The following DENND4C variants were observed in gnomAD, a reference collection of about 807,000 sequenced individuals.
DENND4C encodes the protein DENN domain-containing protein 4C.
A neutral mutation model predicts 203.0 loss-of-function variants in DENND4C; 108 were observed. The ratio of observed to expected loss-of-function variants is 0.53; its 90% CI spans 0.46 to 0.62. The LOEUF (loss-of-function observed/expected upper bound fraction) is 0.62. Ranked by LOEUF, DENND4C falls within the 20% of genes least tolerant of loss-of-function variation. DENND4C has a pLI of 0.00. For missense variants in DENND4C, 2,481 were observed against 2,301.2 expected, an observed-to-expected ratio of 1.08 and a Z score of -1.60; for synonymous variants, 871 against 792.4, an observed-to-expected ratio of 1.10 and a Z score of -1.67.
intron 29 of DENND4C, 86 bp from the exon 30 acceptor site, chr9:19,361,760 C>T: frequency 1.4e-6 from 1 of 706,822 alleles, no homozygotes; most frequent in Non-Finnish European, 2.4e-6. Flanking sequence ...TAAAAGGACT[C>T]ATCTGTTTTA....
intron 26 of DENND4C, 26 bp from the exon 27 acceptor site, chr9:19,356,946 C>CT (rs1366046897): frequency 6.2e-7 from 1 of 1,601,668 alleles, no homozygotes; most frequent in Non-Finnish European, 8.5e-7. Context: ...TTTAAAGGCT[C>CT]TTTTTCCCCC....
intron 9 of DENND4C, among the ~76,000 whole-genome samples, chr9:19,304,274 T>A (rs1299891338): frequency 2.0e-5 from 3 of 150,088 alleles, no homozygotes; most frequent in Non-Finnish European, 4.4e-5. Flanking sequence ...AACCTCTGCC[T>A]CCCGGGTTCA....
In DENND4C at chr9:19,298,042, A is replaced by AT. The variant is rs576946089; in HGVS notation, c.1041-5dup. ...AAAGTAATTATTATATTTATTTCAA[A>AT]TTTTTTTTTCTAGGCACATTTCACA... On this transcript the variant is annotated splice_polypyrimidine_tract_variant and intron_variant, in intron 6 of 32. Transcript: ENST00000434457. 4,407 of 1,569,410 alleles carry AT rather than the reference A, an allele frequency of 2.8e-3. 11 individuals carry two copies. Among genetic ancestry groups the AT allele is most frequent in the Non-Finnish European group, 3.4e-3 (3,851 of 1,148,904 alleles).
intron 2 of DENND4C, among the ~76,000 whole-genome samples, chr9:19,277,778 T>A (rs1358805572): frequency 6.6e-6 from 1 of 152,208 alleles, no homozygotes; most frequent in Non-Finnish European, 1.5e-5. Flanking sequence ...TTGAGTATGA[T>A]GTTAACTGTA....
At chr9:19,268,057 A>G (rs1393145045) in intron 1 of DENND4C, among the ~76,000 whole-genome samples, 3 of 149,120 alleles carry the variant, frequency 2.0e-5, no homozygotes, top group East Asian at 3.9e-4. Flanking sequence ...GTATGTTTTA[A>G]TGTCTTGCCT....
At chr9:19,337,627 G>A in intron 20 of DENND4C, 1 of 1,286,980 alleles carries the variant, frequency 7.8e-7, no homozygotes, top group Non-Finnish European at 1.0e-6. Context: ...TGAAGCTATG[G>A]ATACACGTGT....
chr9:19,296,298 T>C (rs749667003), intron 6 of DENND4C, 52 bp downstream of exon 6: 2 of 1,211,726 alleles, frequency 1.7e-6, no homozygotes, highest in African/African-American at 1.5e-5. Context: ...TATATAAATA[T>C]ATACATTTGT....
intron 20 of DENND4C, among the ~76,000 whole-genome samples, chr9:19,340,221 G>A (rs1204347723): frequency 1.3e-5 from 2 of 152,092 alleles, no homozygotes; most frequent in African/African-American, 4.8e-5. Flanking sequence ...GAAAATACGT[G>A]TACTGTACAT....
chr9:19,249,280 C>T lies in DENND4C; in HGVS notation c.-18+18447C>T, dbSNP rs1825987641. On this transcript the variant is annotated intron_variant, in intron 1 of 32. Coordinates refer to ENST00000434457, the MANE Select transcript of DENND4C (RefSeq NM_001330640.2). ...TTGTTTTTTTTTTTTGAGATGAAGT[C>T]TCGCTCTTATCCCCCAGGCTGGAGT... Among the ~76,000 whole-genome samples the T allele has an allele frequency of 2.7e-5, 4 of 147,990 alleles. No homozygotes were observed. The South Asian group carries it at 8.5e-4, about 31-fold the overall frequency.
chr9:19,350,794 G>T lies in DENND4C; in HGVS notation c.4410G>T (p.Leu1470Phe). ...NISPNTSISG[L>F]VPSELTQSNT... ...CGCCTAACACAAGTATCTCAGGGTT[G>T]GTCCCCAGTGAACTTACCCAGAGCA... Residue 1470 changes from leucine to phenylalanine, a missense_variant, in exon 24 of 33, where the codon TTG becomes TTT. Leu to Phe is a conservative substitution (Grantham distance 22, BLOSUM62 0). This residue lies in a region of DENND4C where 2,289 missense variants were observed against 2,113.3 expected (regional missense o/e 1.08). Coordinates refer to ENST00000434457, the MANE Select transcript of DENND4C (RefSeq NM_001330640.2). 6.2e-7 allele frequency: 1 copy of T among 1,613,974 alleles called. No homozygotes were observed. Among genetic ancestry groups the T allele is most frequent in the Non-Finnish European group, 8.5e-7 (1 of 1,179,990 alleles).
intron 12 of DENND4C, among the ~76,000 whole-genome samples, chr9:19,321,960 G>T (rs1034990912): frequency 3.9e-5 from 6 of 152,094 alleles, no homozygotes; most frequent in Admixed American, 3.9e-4. Context: ...CATATCCACT[G>T]TAAAAAGGCA....
At chr9:19,254,661 G>C (rs1489898756) in intron 1 of DENND4C, among the ~76,000 whole-genome samples, 1 of 152,142 alleles carries the variant, frequency 6.6e-6, no homozygotes, top group African/African-American at 2.4e-5. Context: ...TTGCTTACTT[G>C]AAATTTGATA....
At chr9:19,304,606 T>G (rs916161109) in intron 9 of DENND4C, among the ~76,000 whole-genome samples, 26 of 150,882 alleles carry the variant, frequency 1.7e-4, no homozygotes, top group Non-Finnish European at 3.3e-4. Flanking sequence ...GCACAGTCTC[T>G]GCTCACTGCA....
intron 9 of DENND4C, among the ~76,000 whole-genome samples, chr9:19,304,608 C>G (rs941562843): frequency 6.6e-6 from 1 of 151,590 alleles, no homozygotes; most frequent in African/African-American, 2.4e-5. Context: ...ACAGTCTCTG[C>G]TCACTGCAAG....
intron 24 of DENND4C, among the ~76,000 whole-genome samples, 183 bp from the exon 25 acceptor site, chr9:19,351,890 A>G (rs1183138959): frequency 6.6e-6 from 1 of 152,090 alleles, no homozygotes; most frequent in East Asian, 1.9e-4. Flanking sequence ...TGTATTTTCC[A>G]CCTAGATTTA....
chr9:19,370,024 T>C (rs200853675), intron 31 of DENND4C, 37 bp downstream of exon 31: 1 of 1,607,796 alleles, frequency 6.2e-7, no homozygotes, highest in African/African-American at 1.3e-5. Flanking sequence ...CACCACTCAG[T>C]CATTTCATGT....
intron 30 of DENND4C, 122 bp from the exon 31 acceptor site, chr9:19,369,715 C>T: frequency 1.9e-6 from 1 of 514,768 alleles, no homozygotes; most frequent in Non-Finnish European, 2.8e-6. Context: ...TGCAGTGAGC[C>T]ATGATCACAT....
At chr9:19,324,290 C>T in intron 12 of DENND4C, 72 bp from the exon 13 acceptor site, 2 of 1,167,832 alleles carry the variant, frequency 1.7e-6, no homozygotes, top group Non-Finnish European at 2.4e-6. Flanking sequence ...TAGATAAGTA[C>T]AAGTTTAATG....
chr9:19,284,074 G>A (rs897653123), intron 2 of DENND4C, among the ~76,000 whole-genome samples: 4 of 152,152 alleles, frequency 2.6e-5, no homozygotes, highest in African/African-American at 9.7e-5. Flanking sequence ...TCTCCTAGAT[G>A]ATAGACTGTA....
Sources: allele counts gnomAD v4.1 joint callset (sites outside exome capture counted in the v4.1 genomes callset), GRCh38; gene constraint gnomAD v4.1.1; regional missense constraint gnomAD v4.1.1; transcripts MANE v1.5; gene names NCBI Gene and HGNC (gene_info 2026-07-23, HGNC 2026-07-21).